The following TTC13 variants were observed in gnomAD, a reference collection of about 807,000 sequenced individuals.
TTC13 encodes the protein tetratricopeptide repeat protein 13.
In TTC13, 62 loss-of-function variants were observed where a neutral mutation model predicts 120.0. The observed-to-expected ratio is 0.52, with a 90% confidence interval of 0.42 to 0.64. The LOEUF (loss-of-function observed/expected upper bound fraction) is 0.64. Among genes scored for constraint, TTC13 ranks in the 30% least tolerant of loss-of-function variants. The probability of loss-of-function intolerance (pLI) is 0.00; values close to 1 mark genes in which losing one functional copy is unlikely to be tolerated. For synonymous variants in TTC13, 384 were observed against 393.5 expected (o/e 0.98, Z 0.28); for missense variants, 824 against 1,050.2 (o/e 0.78, Z 2.98).
rs865962019 is a variant in TTC13, at chr1:230,909,586, C to A, written c.2310-566G>T. ...GGCAGAGGTTGCAGTGAGCCGAGAT[C>A]GCTCCACCGCACTCCAGCAATGCAT... On this transcript the variant is annotated intron_variant, in intron 20 of 22. Coordinates refer to ENST00000366661, the MANE Select transcript of TTC13 (RefSeq NM_024525.5). Among the ~76,000 whole-genome samples, 9 of 152,282 alleles carry A rather than the reference C, an allele frequency of 5.9e-5. No individual in the cohort carries two copies. In the South Asian group the frequency reaches 1.5e-3, roughly 25 times the overall value.
intron 4 of TTC13, among the ~76,000 whole-genome samples, chr1:230,948,639 G>T (rs1381102026): frequency 2.6e-5 from 4 of 151,838 alleles, no homozygotes; most frequent in Non-Finnish European, 5.9e-5. Context: ...AGGAGTGCAC[G>T]ATCACACCAG....
chr1:230,955,950 G>C (rs1676042403), intron 3 of TTC13, among the ~76,000 whole-genome samples: 1 of 152,128 alleles, frequency 6.6e-6, no homozygotes, highest in African/African-American at 2.4e-5. Context: ...AGTTTTGGTG[G>C]GGGTGGTGGA....
rs1462856192 is a variant in TTC13, at chr1:230,931,903, T to A, written c.984-26A>T. The A allele has an allele frequency of 3.7e-6, 6 of 1,608,504 alleles. No individual in the cohort carries two copies. The African/African-American group carries it at 8.0e-5, about 22-fold the overall frequency. ...CTAGGTATTTAATAATAGTTATGAA[T>A]ACAGTATAGATATTACGGGAAACAT... On this transcript the variant is annotated intron_variant, in intron 9 of 22. Transcript: ENST00000366661.
At chr1:230,932,451 C>T (rs4328083) in intron 9 of TTC13, among the ~76,000 whole-genome samples, 103,895 of 152,014 alleles carry the variant, frequency 0.68, 35,597 homozygotes, top group Admixed American at 0.72. Context: ...ATTTGCTTTT[C>T]AAATAGGTTT....
rs1489864843 is a variant in TTC13, at chr1:230,978,802, C to T, written c.29G>A (p.Cys10Tyr). ...GGCCACAGCGCCGCCCCAGAAGCAG[C>T]AGCAGCAGCAGCAGCCGGCAGGTGC... MAPAGCCCC[C>Y]CFWGGAVAAA... The change falls in exon 1 of 23, where the codon TGC becomes TAC. Residue 10 changes from cysteine (C) to tyrosine (Y), a missense_variant. Around this residue, in one of 4 missense-constraint regions of TTC13, gnomAD observed 160 missense variants for 137.2 expected, o/e 1.17. Coordinates refer to ENST00000366661, the MANE Select transcript of TTC13 (RefSeq NM_024525.5). The surrounding 1 kb of genome is among the most constrained non-coding windows in gnomAD (Gnocchi z 5.6). 1.3e-6 allele frequency: 2 copies of T among 1,492,448 alleles called. No homozygotes were observed. Among genetic ancestry groups the T allele is most frequent in the Admixed American group, 2.3e-5 (1 of 43,754 alleles). 92.5% of individuals were successfully genotyped at this position (1,492,448 alleles called of 1,614,324 possible). A position where few individuals can be genotyped will look rare whatever the true frequency, so the allele number is the denominator to read the frequency against.
chr1:230,959,601 G>A (rs1179104526), intron 2 of TTC13, among the ~76,000 whole-genome samples: 1 of 152,146 alleles, frequency 6.6e-6, no homozygotes, highest in Non-Finnish European at 1.5e-5. Context: ...GGCTGGTCTT[G>A]AACTCCTGAC....
In TTC13 at chr1:230,943,864, A is replaced by G. The variant is rs1558198225; in HGVS notation, c.614T>C (p.Leu205Pro). 2.5e-6 allele frequency: 4 copies of G among 1,611,828 alleles called. No individual in the cohort carries two copies. The highest frequency in any genetic ancestry group is 3.4e-6 in the Non-Finnish European group (4 of 1,178,452). ...TGGTTCCAAGGTAATTACTCGGCTC[A>G]GTTCGAACAGAGCAAGCTCAGCATT... ...IKNAELALFE[L>P]SRVITLEPDR... The change falls in exon 6 of 23, where the codon CTG becomes CCG. Residue 205 changes from leucine to proline, a missense_variant. Physicochemically the swap from Leu to Pro is moderately conservative, Grantham distance 98. This residue lies in a region of TTC13 where 430 missense variants were observed against 626.8 expected (regional missense o/e 0.69). Transcript: ENST00000366661.
intron 17 of TTC13, 45 bp downstream of exon 17, chr1:230,920,465 C>A (rs533879461): frequency 7.1e-7 from 1 of 1,410,828 alleles, no homozygotes; most frequent in East Asian, 2.3e-5. Flanking sequence ...TGTTGGTTTT[C>A]TTTTCCTCTA....
In TTC13 at chr1:230,939,415, A is replaced by C. The variant is rs1674352688; in HGVS notation, c.871T>G (p.Leu291Val). The C allele has an allele frequency of 6.2e-7, 1 of 1,611,652 alleles. No homozygotes were observed. Among genetic ancestry groups the C allele is most frequent in the Non-Finnish European group, 8.5e-7 (1 of 1,178,340 alleles). Residue 291 changes from leucine to valine, a missense_variant, in exon 8 of 23, where the codon TTA (leucine) becomes GTA (valine). By Grantham distance (32) the Leu-to-Val change is conservative. Around this residue, in one of 4 missense-constraint regions of TTC13, gnomAD observed 430 missense variants for 626.8 expected, o/e 0.69. Transcript: ENST00000366661. ...NQPIAMLYKG[L>V]TFFHRGLLKE... is the part of the protein sequence containing the mutation. ...AGAAGTCCTCTGTGAAAGAAAGTTA[A>C]ACCTTTGTATAGCATAGCTATAGGC...
Position 230,978,720 on chromosome 1 carries a change from G to A in TTC13, c.111C>T (p.Ala37=). ...TGGCCAGGGCGCCTGGCCGCAGCCC[G>A]GCGGACAGGACCCCCAGCAGCAGCA... is the stretch of plus-strand genomic sequence containing the variant. ...LLLLLLGVLS[A]GLRPGALATE... Residue 37 remains alanine, a synonymous_variant, in exon 1 of 23, where the codon GCC becomes GCT. Coordinates refer to ENST00000366661, the MANE Select transcript of TTC13 (RefSeq NM_024525.5). This position sits in a 1 kb window ranked among gnomAD's most constrained non-coding sequence, Gnocchi z 5.6. The A allele has an allele frequency of 1.3e-6, 2 of 1,495,902 alleles. No homozygotes were observed. Among genetic ancestry groups the A allele is most frequent in the East Asian group, 2.8e-5 (1 of 36,008 alleles). 92.7% of individuals were successfully genotyped at this position (1,495,902 alleles called of 1,614,324 possible). A position where few individuals can be genotyped will look rare whatever the true frequency, so the allele number is the denominator to read the frequency against.
intron 1 of TTC13, among the ~76,000 whole-genome samples, chr1:230,966,676 G>T (rs966757827): frequency 5.3e-5 from 8 of 152,178 alleles, no homozygotes; most frequent in African/African-American, 1.9e-4. Context: ...CAACAACAGT[G>T]TGAGAGCTAC....
intron 4 of TTC13, among the ~76,000 whole-genome samples, chr1:230,953,391 A>G (rs1245271344): frequency 6.6e-6 from 1 of 152,252 alleles, no homozygotes; most frequent in East Asian, 1.9e-4. Flanking sequence ...ACTGGAAGGC[A>G]TTTGTTGGCA....
intron 14 of TTC13, among the ~76,000 whole-genome samples, 167 bp from the exon 15 acceptor site, chr1:230,924,100 C>T (rs1396191800): frequency 2.6e-5 from 4 of 152,102 alleles, no homozygotes; most frequent in Admixed American, 2.0e-4. Flanking sequence ...CTGGACCAGG[C>T]GAAAAGCCAG....
intron 8 of TTC13, 75 bp downstream of exon 8, chr1:230,939,311 A>G: frequency 1.2e-6 from 1 of 810,378 alleles, no homozygotes; most frequent in Non-Finnish European, 2.0e-6. Context: ...CCAGCCATCA[A>G]TCAAACGAAA....
At chr1:230,924,202 A>G (rs1338260509) in intron 14 of TTC13, among the ~76,000 whole-genome samples, 1 of 152,250 alleles carries the variant, frequency 6.6e-6, no homozygotes, top group African/African-American at 2.4e-5. Context: ...CAGGCACACC[A>G]TTATCTGTAA....
At chr1:230,970,228 C>T (rs1231421244) in intron 1 of TTC13, among the ~76,000 whole-genome samples, 1 of 152,198 alleles carries the variant, frequency 6.6e-6, no homozygotes, top group Non-Finnish European at 1.5e-5. Flanking sequence ...AAACCTCACA[C>T]ACAACTGACC....
chr1:230,920,361 G>A (rs902920576), intron 17 of TTC13, 149 bp downstream of exon 17: 1 of 526,906 alleles, frequency 1.9e-6, no homozygotes, highest in Non-Finnish European at 3.3e-6. Flanking sequence ...TCTGATGCCT[G>A]TAGGTTCTTT....
chr1:230,948,659 A>G (rs1675243399), intron 4 of TTC13, among the ~76,000 whole-genome samples: 1 of 151,940 alleles, frequency 6.6e-6, no homozygotes, highest in Non-Finnish European at 1.5e-5. Context: ...GGCTAATTTT[A>G]AAATTTTTTT....
chr1:230,908,468 G>C, intron 22 of TTC13: 1 of 539,570 alleles, frequency 1.9e-6, no homozygotes, highest in South Asian at 1.8e-5. Flanking sequence ...GGGATTACAG[G>C]TATGAGCTAC....
Sources: gnomAD v4.1 joint callset for allele counts (sites outside exome capture counted in the v4.1 genomes callset) on GRCh38, gnomAD v4.1.1 for gene constraint, gnomAD v4.1.1 regional missense constraint, Gnocchi (gnomAD v3.1) non-coding constraint, MANE v1.5 for transcripts, NCBI Gene and HGNC (gene_info 2026-07-23, HGNC 2026-07-21) for gene names.